The following MALRD1 variants were observed in gnomAD, a reference collection of about 807,000 sequenced individuals.
MALRD1 encodes MAM and LDL-receptor class A domain-containing protein 1.
MALRD1 carries 247 observed loss-of-function variants against 242.1 expected under a neutral mutation model. That is an observed-to-expected ratio of 1.02 (90% confidence interval 0.92 to 1.13). The LOEUF is 1.13. MALRD1 is among the 50% of genes most tolerant of loss of function. The pLI is 0.00. For missense variants in MALRD1, 2,989 were observed against 2,533.1 expected (o/e 1.18, Z -3.86); for synonymous variants, 995 against 866.6 (o/e 1.15, Z -2.60).
chr10:19,165,647 G>C lies in MALRD1; in HGVS notation c.1667G>C (p.Trp556Ser). The change falls in exon 13 of 40, where the codon TGG (tryptophan) becomes TCG (serine). Residue 556 changes from tryptophan (W) to serine (S), a missense_variant. Physicochemically the swap from Trp to Ser is radical, Grantham distance 177 (BLOSUM62 -3). Coordinates refer to ENST00000454679, the MANE Select transcript of MALRD1 (RefSeq NM_001142308.3). Reference sequence around the variant, plus strand: ...ACATGTTTTCAACAGGTGCAGTTTTGGTATCATTTGTCTCAACATTCAAAT... The same window carrying C: ...ACATGTTTTCAACAGGTGCAGTTTTCGTATCATTTGTCTCAACATTCAAAT... The part of the protein sequence containing the change: ...TASTPCQVQF[W>S]YHLSQHSNLS... 1 of 1,231,234 alleles carries C rather than the reference G, an allele frequency of 8.1e-7. No homozygotes were observed. Among genetic ancestry groups the C allele is most frequent in the Non-Finnish European group, 1.0e-6 (1 of 987,690 alleles). 76.3% of individuals were successfully genotyped at this position (1,231,234 alleles called of 1,614,324 possible).
intron 32 of MALRD1, among the ~76,000 whole-genome samples, chr10:19,546,405 C>G (rs147994178): frequency 2.6e-5 from 4 of 152,298 alleles, no homozygotes; most frequent in Non-Finnish European, 5.9e-5. Context: ...CATCATTTCT[C>G]TGGTCTCAGT....
At chr10:19,211,288 G>T (rs544670373) in intron 18 of MALRD1, among the ~76,000 whole-genome samples, 17 of 151,914 alleles carry the variant, frequency 1.1e-4, no homozygotes, top group Non-Finnish European at 1.9e-4. Flanking sequence ...GCAGTGTTCT[G>T]ATTGATTTTT....
chr10:19,121,699 A>C (rs896883775), intron 5 of MALRD1, among the ~76,000 whole-genome samples: 2 of 152,196 alleles, frequency 1.3e-5, no homozygotes, highest in African/African-American at 4.8e-5. Context: ...GACGTCATCC[A>C]GAGAAGGGCA....
chr10:19,094,556 G>C (rs139408811), intron 4 of MALRD1, among the ~76,000 whole-genome samples: 2 of 151,566 alleles, frequency 1.3e-5, no homozygotes, highest in Non-Finnish European at 2.9e-5. Context: ...CGTCTTCTGC[G>C]TCGCTCACGC....
At chr10:19,475,909 G>A (rs1281112853) in intron 29 of MALRD1, among the ~76,000 whole-genome samples, 1 of 152,148 alleles carries the variant, frequency 6.6e-6, no homozygotes, top group Non-Finnish European at 1.5e-5. Context: ...AAAACCTCAT[G>A]TTTGGGAAAG....
chr10:19,454,736 A>G (rs1170343770), intron 29 of MALRD1, among the ~76,000 whole-genome samples: 3 of 151,332 alleles, frequency 2.0e-5, no homozygotes, highest in Non-Finnish European at 4.4e-5. Context: ...ACACACACAC[A>G]CACACACACA....
intron 36 of MALRD1, among the ~76,000 whole-genome samples, chr10:19,637,491 T>C (rs947151951): frequency 2.0e-5 from 3 of 152,194 alleles, no homozygotes; most frequent in Non-Finnish European, 4.4e-5. Flanking sequence ...AGCTTTCCCT[T>C]GTGCTCACGA....
At chr10:19,558,113 C>T (rs1835806822) in intron 32 of MALRD1, among the ~76,000 whole-genome samples, 1 of 152,078 alleles carries the variant, frequency 6.6e-6, no homozygotes, top group South Asian at 2.1e-4. Flanking sequence ...TGCAACTTTT[C>T]TCTAATTGCT....
intron 5 of MALRD1, among the ~76,000 whole-genome samples, chr10:19,114,912 C>T (rs182803932): frequency 1.1e-4 from 16 of 152,262 alleles, no homozygotes; most frequent in African/African-American, 3.6e-4. Flanking sequence ...CTATACCTGA[C>T]TATGACCTAA....
chr10:19,355,859 T>TATATATATAC (rs1348787430), intron 26 of MALRD1, among the ~76,000 whole-genome samples: 1 of 18,262 alleles, frequency 5.5e-5, no homozygotes, highest in Non-Finnish European at 8.7e-5. Context: ...ATATATATAT[T>TATATATATAC]ATATATGATA....
chr10:19,469,194 G>T (rs79546890), intron 29 of MALRD1, among the ~76,000 whole-genome samples: 2,096 of 152,030 alleles, frequency 0.014, 25 homozygotes, highest in Non-Finnish European at 0.024. Flanking sequence ...TTTAATATAC[G>T]CTTTCAGCTT....
At chr10:19,681,332 T>G (rs901425648) in intron 36 of MALRD1, among the ~76,000 whole-genome samples, 2 of 152,206 alleles carry the variant, frequency 1.3e-5, no homozygotes, top group African/African-American at 2.4e-5. Context: ...AATCACATAG[T>G]TCTCTGAGGT....
intron 28 of MALRD1, among the ~76,000 whole-genome samples, chr10:19,408,679 A>C (rs1833140366): frequency 6.6e-6 from 1 of 152,220 alleles, no homozygotes; most frequent in African/African-American, 2.4e-5. Context: ...GGTTTTCAAC[A>C]TCAGTAGACA....
chr10:19,430,459 C>T (rs946260494), intron 28 of MALRD1, among the ~76,000 whole-genome samples: 1 of 151,832 alleles, frequency 6.6e-6, no homozygotes, highest in Non-Finnish European at 1.5e-5. Context: ...GTTCACCTTC[C>T]GAGGCCCATT....
chr10:19,048,251 T>C (rs1834388362), upstream of MALRD1, among the ~76,000 whole-genome samples: 1 of 152,208 alleles, frequency 6.6e-6, no homozygotes, highest in Admixed American at 6.5e-5. Context: ...CTTCCTTGGG[T>C]TGAAGTTATA....
intron 38 of MALRD1, among the ~76,000 whole-genome samples, chr10:19,705,032 C>G (rs1833798738): frequency 6.6e-6 from 1 of 152,142 alleles, no homozygotes; most frequent in Non-Finnish European, 1.5e-5. Context: ...GACTAGCTAA[C>G]CCCGTGAGAG....
chr10:19,530,355 AT>A (rs543298134), intron 31 of MALRD1, among the ~76,000 whole-genome samples: 1,587 of 63,828 alleles, frequency 0.025, 86 homozygotes, highest in Admixed American at 0.036. Context: ...TAAATATATA[AT>A]ATTTATATAA....
chr10:19,133,470 G>A (rs1364807809), intron 8 of MALRD1, among the ~76,000 whole-genome samples: 4 of 152,044 alleles, frequency 2.6e-5, no homozygotes, highest in Non-Finnish European at 2.9e-5. Context: ...GCCTGTAAAC[G>A]TTTTCTTTTC....
chr10:19,452,732 T>C (rs1207556108), intron 29 of MALRD1, among the ~76,000 whole-genome samples: 2 of 152,302 alleles, frequency 1.3e-5, no homozygotes, highest in East Asian at 3.9e-4. Flanking sequence ...CAGAAGGAGC[T>C]TAGAGTGTAA....
Sources: gnomAD v4.1 joint callset for allele counts (sites outside exome capture counted in the v4.1 genomes callset) on GRCh38, gnomAD v4.1.1 for gene constraint, MANE v1.5 for transcripts, NCBI Gene and HGNC (gene_info 2026-07-23, HGNC 2026-07-21) for gene names.